The following OXNAD1 variants were observed in gnomAD, a reference collection of about 807,000 sequenced individuals.
OXNAD1 encodes oxidoreductase NAD-binding domain-containing protein 1.
In OXNAD1, 34 loss-of-function variants were observed where a neutral mutation model predicts 32.9. The ratio of observed to expected loss-of-function variants is 1.03; its 90% CI spans 0.79 to 1.38. The LOEUF is 1.38. Among genes scored for constraint, OXNAD1 ranks in the 40% most tolerant of loss-of-function variants. The probability of loss-of-function intolerance (pLI) is 0.00; values close to 1 mark genes in which losing one functional copy is unlikely to be tolerated. For synonymous variants in OXNAD1, 134 were observed against 135.2 expected, an observed-to-expected ratio of 0.99 and a Z score of 0.06; for missense variants, 407 against 379.4, an observed-to-expected ratio of 1.07 and a Z score of -0.60.
At chr3:16,272,067 T>G in intron 4 of OXNAD1, 1 of 465,892 alleles carries the variant, frequency 2.1e-6, no homozygotes, top group Non-Finnish European at 4.0e-6. Context: ...TAGCTTACCT[T>G]TCTCTGTTTT....
At position 16,290,669 on chromosome 3, in the gene OXNAD1, A is replaced by G. The variant is rs2066371250; in HGVS notation, c.291-4187A>G. On this transcript the variant is annotated intron_variant, in intron 5 of 8. Transcript: ENST00000285083. This position sits in a 1 kb window ranked among gnomAD's most constrained non-coding sequence, Gnocchi z 4.2. ...AAATTTTTATCTTGTCAGAAATGAA[A>G]AGAAAGTTAAAGTACTCATGGAAAA... is the stretch of plus-strand genomic sequence containing the variant. Among the ~76,000 whole-genome samples the G allele has an allele frequency of 6.6e-6, 1 of 152,254 alleles. No individual in the cohort carries two copies. Among genetic ancestry groups the G allele is most frequent in the Non-Finnish European group, 1.5e-5 (1 of 68,046 alleles).
intron 4 of OXNAD1, among the ~76,000 whole-genome samples, chr3:16,285,215 C>T (rs561964203): frequency 4.6e-5 from 7 of 152,304 alleles, no homozygotes; most frequent in Non-Finnish European, 8.8e-5. Context: ...TGAGAATTAT[C>T]CAGTGGATTT....
chr3:16,341,572 A>G (rs1225774823), downstream of OXNAD1, among the ~76,000 whole-genome samples: 1 of 152,196 alleles, frequency 6.6e-6, no homozygotes, highest in African/African-American at 2.4e-5. The surrounding 1 kb of genome is among the most constrained non-coding windows in gnomAD (Gnocchi z 4.7). Context: ...AACTCTGTAG[A>G]TTCAGTTCAG....
chr3:16,351,520 G>A (rs1333235276), downstream of OXNAD1, among the ~76,000 whole-genome samples: 4 of 152,208 alleles, frequency 2.6e-5, no homozygotes, highest in Admixed American at 2.6e-4. The surrounding 1 kb of genome is among the most constrained non-coding windows in gnomAD (Gnocchi z 5.4). Context: ...AGTCTGCGGG[G>A]TTGCAGAGGC....
Position 16,322,456 on chromosome 3 carries a change from A to T in OXNAD1, c.*31-14656A>T, listed in dbSNP as rs1376598404. ...TGAGGAATGCAGGAGTGATGCCAGG[A>T]GTGAGGAGCCGAGCAGGTCAGGCAG... On this transcript the variant is annotated intron_variant, in intron 9 of 9. Coordinates refer to the OXNAD1 transcript ENST00000435829. The surrounding 1 kb of genome is among the most constrained non-coding windows in gnomAD (Gnocchi z 6.2). Among the ~76,000 whole-genome samples the T allele has an allele frequency of 1.3e-5, 2 of 152,166 alleles. No homozygotes were observed. The highest frequency in any genetic ancestry group is 2.9e-5 in the Non-Finnish European group (2 of 68,024).
In OXNAD1 at chr3:16,287,102, A is replaced by G. The variant is rs181735092; in HGVS notation, c.290+654A>G. On this transcript the variant is annotated intron_variant, in intron 5 of 8. Transcript: ENST00000285083. This position sits in a 1 kb window ranked among gnomAD's most constrained non-coding sequence, Gnocchi z 4.8. Reference sequence around the variant, plus strand: ...TGCTGACTGGGTAACATTTCCTCCGAATGGGGCCTCCCTGAGCTTCAATTC... The same window carrying G: ...TGCTGACTGGGTAACATTTCCTCCGGATGGGGCCTCCCTGAGCTTCAATTC... Among the ~76,000 whole-genome samples the G allele has an allele frequency of 6.6e-5, 10 of 152,218 alleles. No homozygotes were observed. Among genetic ancestry groups the G allele is most frequent in the African/African-American group, 2.4e-4 (10 of 41,534 alleles).
chr3:16,303,257 T>C lies in OXNAD1; in HGVS notation c.785-151T>C. On this transcript the variant is annotated intron_variant, in intron 8 of 8. Coordinates refer to ENST00000285083, the MANE Select transcript of OXNAD1 (RefSeq NM_138381.5). The surrounding 1 kb of genome is among the most constrained non-coding windows in gnomAD (Gnocchi z 4.8). The stretch of plus-strand genomic sequence containing the variant: ...CACTCTGCTTGGGTCTGGGCCCAGA[T>C]GCCAATAGGAGCCATACTGTGAATG... 3.5e-6 allele frequency: 3 copies of C among 864,924 alleles called. No individual in the cohort carries two copies. In the South Asian group the frequency reaches 5.2e-5, roughly 15 times the overall value. 53.6% of individuals were successfully genotyped at this position (864,924 alleles called of 1,614,324 possible).
chr3:16,327,188 A>G lies in OXNAD1; in HGVS notation c.*31-9924A>G, dbSNP rs536112781. Among the ~76,000 whole-genome samples, 3 of 152,316 alleles carry G rather than the reference A, an allele frequency of 2.0e-5. No individual in the cohort carries two copies. The highest frequency in any genetic ancestry group is 7.2e-5 in the African/African-American group (3 of 41,572). Reference sequence around the variant, plus strand: ...CTCCTGTGAGTTTCACTGACGAAGCATAACTGTCTCACCTCTGAGCGGTAT... The same window carrying G: ...CTCCTGTGAGTTTCACTGACGAAGCGTAACTGTCTCACCTCTGAGCGGTAT... On this transcript the variant is annotated intron_variant, in intron 9 of 9. Transcript: ENST00000435829. This position sits in a 1 kb window ranked among gnomAD's most constrained non-coding sequence, Gnocchi z 4.2.
rs909746145 is a variant in OXNAD1, at chr3:16,298,817, C to T, written c.433-2809C>T. Among the ~76,000 whole-genome samples, 17 of 152,106 alleles carry T rather than the reference C, an allele frequency of 1.1e-4. No homozygotes were observed. The highest frequency in any genetic ancestry group is 2.9e-4 in the African/African-American group (12 of 41,422). On this transcript the variant is annotated intron_variant, in intron 6 of 8. Coordinates refer to ENST00000285083, the MANE Select transcript of OXNAD1 (RefSeq NM_138381.5). The surrounding 1 kb of genome is among the most constrained non-coding windows in gnomAD (Gnocchi z 5.1). ...TTATTTCACAAGTAGAAAATCTATA[C>T]CAAAATTAGATACATTGCTGTGTAA...
At position 16,345,817 on chromosome 3, in the gene OXNAD1, T is replaced by TGCGC. The variant is rs1553726165; in HGVS notation, c.*31-3351_*31-3348dup. ...GTGTGTGTGTGTGTGTGTGTGTGTG[T>TGCGC]GCGCGCGCGCGTGCGCGCACGCGCA... On this transcript the variant is annotated intron_variant, in intron 9 of 9. Transcript: ENST00000606098. This position sits in a 1 kb window ranked among gnomAD's most constrained non-coding sequence, Gnocchi z 5.2. Among the ~76,000 whole-genome samples the TGCGC allele has an allele frequency of 2.1e-4, 16 of 74,618 alleles. No individual in the cohort carries two copies. Among genetic ancestry groups the TGCGC allele is most frequent in the African/African-American group, 6.0e-4 (11 of 18,182 alleles). 49.0% of individuals were successfully genotyped at this position (74,618 alleles called of 152,430 possible).
Position 16,322,226 on chromosome 3 carries a change from C to T in OXNAD1, c.*31-14886C>T, listed in dbSNP as rs2125194306. Among the ~76,000 whole-genome samples the T allele has an allele frequency of 6.6e-6, 1 of 152,326 alleles. No individual in the cohort carries two copies. The stretch of plus-strand genomic sequence containing the variant: ...CCCTTCTGGTCCATTGTGCCGTCAC[C>T]TGTCACATTACACCTTCAGAGCCTG... On this transcript the variant is annotated intron_variant, in intron 9 of 9. Coordinates refer to the OXNAD1 transcript ENST00000435829. This position sits in a 1 kb window ranked among gnomAD's most constrained non-coding sequence, Gnocchi z 6.2.
Position 16,303,773 on chromosome 3 carries a change from T to G in OXNAD1, c.*211T>G, listed in dbSNP as rs2067354031. 1 of 428,498 alleles carries G rather than the reference T, an allele frequency of 2.3e-6. No individual in the cohort carries two copies. Among genetic ancestry groups the G allele is most frequent in the East Asian group, 3.8e-5 (1 of 26,474 alleles). 26.5% of individuals were successfully genotyped at this position (428,498 alleles called of 1,614,324 possible). On this transcript the variant is annotated 3_prime_UTR_variant, in exon 9 of 9. Coordinates refer to ENST00000285083, the MANE Select transcript of OXNAD1 (RefSeq NM_138381.5). This position sits in a 1 kb window ranked among gnomAD's most constrained non-coding sequence, Gnocchi z 4.8. Reference sequence around the variant, plus strand: ...CCTCAGTGATCAAACTATTTTTTACTATACTGATTTTCTGTTATTAACAAC... The same window carrying G: ...CCTCAGTGATCAAACTATTTTTTACGATACTGATTTTCTGTTATTAACAAC...
intron 9 of OXNAD1, among the ~76,000 whole-genome samples, chr3:16,313,082 A>G (rs1033387704): frequency 6.8e-5 from 10 of 146,878 alleles, no homozygotes; most frequent in South Asian, 2.1e-4. Flanking sequence ...GTCTTGTTCT[A>G]TTGTCCAGGC....
chr3:16,282,997 G>C (rs552175371), intron 4 of OXNAD1, among the ~76,000 whole-genome samples: 5 of 152,040 alleles, frequency 3.3e-5, no homozygotes, highest in South Asian at 2.1e-4. Flanking sequence ...GAAATTCTCA[G>C]CTTAGGGTGA....
chr3:16,302,802 AC>A lies in OXNAD1; in HGVS notation c.784+56del. The A allele has an allele frequency of 7.4e-7, 1 of 1,359,702 alleles. No individual in the cohort carries two copies. Among genetic ancestry groups the A allele is most frequent in the Non-Finnish European group, 1.0e-6 (1 of 960,954 alleles). 84.2% of individuals were successfully genotyped at this position (1,359,702 alleles called of 1,614,324 possible). A position where few individuals can be genotyped will look rare whatever the true frequency, so the allele number is the denominator to read the frequency against. On this transcript the variant is annotated intron_variant, in intron 8 of 8. Coordinates refer to ENST00000285083, the MANE Select transcript of OXNAD1 (RefSeq NM_138381.5). The surrounding 1 kb of genome is among the most constrained non-coding windows in gnomAD (Gnocchi z 4.2). ...CTCCATGCAGTTATTTGATGGACAC[AC>A]CAGTTGGTTGAGCGTAGATGCTTTA...
rs1184707670 is a variant in OXNAD1 at position 16,320,320 on chromosome 3, TTGC to T, written c.*30+16731_*30+16733del. On this transcript the variant is annotated intron_variant, in intron 9 of 9. Coordinates refer to the OXNAD1 transcript ENST00000435829. This position sits in a 1 kb window ranked among gnomAD's most constrained non-coding sequence, Gnocchi z 4.5. ...TCCTGATTAGAAAAATCTATCCATG[TTGC>T]TGATTAAAAGAAGACTAAATATGCC... 6.6e-6 allele frequency among the ~76,000 whole-genome samples: 1 copy of T among 152,224 alleles called. No individual in the cohort carries two copies. The highest frequency in any genetic ancestry group is 6.5e-5 in the Admixed American group (1 of 15,284).
chr3:16,294,766 CAT>C (rs1667265961), intron 5 of OXNAD1, 88 bp from the exon 6 acceptor site: 2 of 1,226,046 alleles, frequency 1.6e-6, no homozygotes, highest in Non-Finnish European at 2.2e-6. Context: ...AATTTTTTTT[CAT>C]AGTCTTGCAA....
rs930611728 is a variant in OXNAD1, at chr3:16,269,193, T to G, written c.-91T>G. The G allele has an allele frequency of 5.5e-5, 84 of 1,527,396 alleles. No homozygotes were observed. Among genetic ancestry groups the G allele is most frequent in the Non-Finnish European group, 6.0e-5 (69 of 1,144,458 alleles). The allele number at this position is 1,527,396 out of a possible 1,614,324, so 94.6% of individuals were successfully genotyped here. ...TCCAACTGCTGTACATCCAAAAGTC[T>G]CAGTGTAATAGCAGGACCAAAATAT... On this transcript the variant is annotated 5_prime_UTR_variant, in exon 2 of 9. Transcript: ENST00000285083.
At chr3:16,325,858 A>T (rs2069636192) in intron 9 of OXNAD1, among the ~76,000 whole-genome samples, 1 of 152,040 alleles carries the variant, frequency 6.6e-6, no homozygotes, top group South Asian at 2.1e-4. Flanking sequence ...GCTGTCCATC[A>T]CTCTGCAGTG....
Sources: allele counts gnomAD v4.1 joint callset (sites outside exome capture counted in the v4.1 genomes callset), GRCh38; gene constraint gnomAD v4.1.1; non-coding constraint Gnocchi (gnomAD v3.1); transcripts MANE v1.5; gene names NCBI Gene and HGNC (gene_info 2026-07-23, HGNC 2026-07-21).